The following RHBDF2 variants were observed in gnomAD, a reference collection of about 807,000 sequenced individuals.
RHBDF2 encodes the protein inactive rhomboid protein 2.
A neutral mutation model predicts 95.2 loss-of-function variants in RHBDF2; 38 were observed. That is an observed-to-expected ratio of 0.40 (90% CI 0.31 to 0.52). The LOEUF (loss-of-function observed/expected upper bound fraction) is 0.52. RHBDF2 is among the 20% of genes least tolerant of loss of function. RHBDF2 has a pLI of 0.56. For synonymous variants in RHBDF2, 442 were observed against 462.0 expected (o/e 0.96, Z 0.55); for missense variants, 863 against 1,137.7 (o/e 0.76, Z 3.47).
At chr17:76,476,733 G>A in intron 9 of RHBDF2, 97 bp downstream of exon 9, 1 of 1,450,756 alleles carries the variant, frequency 6.9e-7, no homozygotes, top group East Asian at 2.5e-5. Context: ...AGATGCTCAT[G>A]AAACACTTGC....
At chr17:76,490,117 G>C (rs151058922) in intron 1 of RHBDF2, among the ~76,000 whole-genome samples, 1 of 152,362 alleles carries the variant, frequency 6.6e-6, no homozygotes, top group East Asian at 1.9e-4. Context: ...ATTCCACTGA[G>C]CAATGTTCCT....
chr17:76,478,925 G>A lies in RHBDF2; in HGVS notation c.553C>T (p.Pro185Ser), dbSNP rs943708565. Residue 185 changes from proline to serine, a missense_variant, in exon 6 of 19, where the codon CCC becomes TCC. Coordinates refer to ENST00000675367, the MANE Select transcript of RHBDF2 (RefSeq NM_001005498.4). ...RPHAPHPPLTPGVLSLTSFTS... is the reference protein window; with the variant it reads ...RPHAPHPPLTSGVLSLTSFTS... ...AAGGAGGTGAGGGACAGGACTCCGG[G>A]GGTCAGCGGTGGGTGCGGGGCGTGG... is the stretch of plus-strand genomic sequence containing the variant. 3.7e-6 allele frequency: 6 copies of A among 1,606,932 alleles called. No homozygotes were observed. Among genetic ancestry groups the A allele is most frequent in the African/African-American group, 1.3e-5 (1 of 74,868 alleles).
chr17:76,471,355 A>C lies in RHBDF2; in HGVS notation c.*278T>G. ...AGATGGTCTCAGCAAGGAGCGGGAT[A>C]TTAGGAACTGAGACCCAAGACTCAG... On this transcript the variant is annotated 3_prime_UTR_variant, in exon 19 of 19. Coordinates refer to ENST00000675367, the MANE Select transcript of RHBDF2 (RefSeq NM_001005498.4). 2.2e-6 allele frequency: 1 copy of C among 452,114 alleles called. No homozygotes were observed. Among genetic ancestry groups the C allele is most frequent in the Non-Finnish European group, 3.9e-6 (1 of 253,708 alleles). 28.0% of individuals were successfully genotyped at this position (452,114 alleles called of 1,614,324 possible).
At chr17:76,481,637 C>T in intron 2 of RHBDF2, 92 bp from the exon 3 acceptor site, 2 of 1,218,972 alleles carry the variant, frequency 1.6e-6, no homozygotes, top group Non-Finnish European at 2.2e-6. Flanking sequence ...AGACCAAGAA[C>T]CAACTTGCCT....
Position 76,479,240 on chromosome 17 carries a change from C to T in RHBDF2, c.310G>A (p.Glu104Lys). Residue 104 changes from glutamate to lysine, a missense_variant, in exon 5 of 19, where the codon GAG (glutamate) becomes AAG (lysine). By Grantham distance (56) the Glu-to-Lys change is moderately conservative. Transcript: ENST00000675367. The part of the protein sequence containing the change: ...AQWFGVSGDW[E>K]GQRQQWQRRS... Reference sequence around the variant, plus strand: ...CGCTGCCACTGCTGCCGCTGCCCCTCCCAGTCGCCGCTGACTCCAAACCAC... The same window carrying T: ...CGCTGCCACTGCTGCCGCTGCCCCTTCCAGTCGCCGCTGACTCCAAACCAC... 6.2e-7 allele frequency: 1 copy of T among 1,607,618 alleles called. No homozygotes were observed. Among genetic ancestry groups the T allele is most frequent in the Non-Finnish European group, 8.5e-7 (1 of 1,179,356 alleles).
chr17:76,485,816 C>T (rs897881308), intron 2 of RHBDF2, among the ~76,000 whole-genome samples: 3 of 152,096 alleles, frequency 2.0e-5, no homozygotes, highest in Admixed American at 6.6e-5. Context: ...AAAGCTACAA[C>T]GTGGACGAGC....
At chr17:76,483,973 C>T (rs1261038098) in intron 2 of RHBDF2, among the ~76,000 whole-genome samples, 5 of 152,074 alleles carry the variant, frequency 3.3e-5, no homozygotes, top group Admixed American at 1.3e-4. Flanking sequence ...TTAAAACCCC[C>T]AGCTGTGGCC....
intron 16 of RHBDF2, 66 bp from the exon 17 acceptor site, chr17:76,473,171 G>A (rs2073643989): frequency 1.9e-6 from 3 of 1,582,078 alleles, no homozygotes; most frequent in African/African-American, 1.3e-5. Flanking sequence ...CGACATGGGA[G>A]GGAGTGCGTG....
chr17:76,478,363 TAACTC>T (rs2073838646), intron 6 of RHBDF2, among the ~76,000 whole-genome samples: 1 of 152,220 alleles, frequency 6.6e-6, no homozygotes, highest in African/African-American at 2.4e-5. Flanking sequence ...CTTCTGGGCT[TAACTC>T]AATGTCTTCC....
intron 9 of RHBDF2, chr17:76,476,489 G>A (rs2073776443): frequency 1.2e-5 from 3 of 255,156 alleles, no homozygotes; most frequent in East Asian, 9.1e-5. Context: ...TCCTCTGACC[G>A]ACCCTGCCCT....
In RHBDF2 at chr17:76,474,359, G is replaced by A. The variant is rs748556461; in HGVS notation, c.1464+14C>T. The A allele has an allele frequency of 6.2e-7, 1 of 1,608,378 alleles. No homozygotes were observed. Among genetic ancestry groups the A allele is most frequent in the Admixed American group, 1.7e-5 (1 of 59,966 alleles). The stretch of plus-strand genomic sequence containing the variant: ...CAGGGTCTGGCAGGGGTAGGAGGGA[G>A]GGCCTGCCCCCACCGAGCAGTCCTT... On this transcript the variant is annotated intron_variant, in intron 12 of 18. Transcript: ENST00000675367.
At chr17:76,493,584 G>A (rs768251006) in intron 1 of RHBDF2, among the ~76,000 whole-genome samples, 1 of 152,088 alleles carries the variant, frequency 6.6e-6, no homozygotes, top group Non-Finnish European at 1.5e-5. Context: ...GAGCTCCACC[G>A]GCAGAGTTAG....
chr17:76,477,940 G>A (rs894747510), intron 6 of RHBDF2, among the ~76,000 whole-genome samples, 155 bp from the exon 7 acceptor site: 2 of 152,218 alleles, frequency 1.3e-5, no homozygotes, highest in African/African-American at 2.4e-5. Flanking sequence ...CAAGCTGAAC[G>A]GGCAAGAGGA....
intron 3 of RHBDF2, 148 bp from the exon 4 acceptor site, chr17:76,480,002 ATATAATGTGTGTGTG>A (rs1401445538): frequency 1.3e-5 from 10 of 793,410 alleles, no homozygotes; most frequent in Non-Finnish European, 1.9e-5. Context: ...AAATATATAT[ATATAATGTGTGTGTG>A]TGTGTGTGTG....
At chr17:76,473,527 G>A in intron 15 of RHBDF2, 121 bp downstream of exon 15, 2 of 990,874 alleles carry the variant, frequency 2.0e-6, no homozygotes, top group Non-Finnish European at 3.0e-6. Context: ...GCAAAGGACA[G>A]TTATTGGAGG....
intron 3 of RHBDF2, 52 bp downstream of exon 3, chr17:76,481,323 G>A: frequency 6.4e-7 from 1 of 1,563,520 alleles, no homozygotes; most frequent in Non-Finnish European, 8.7e-7. Flanking sequence ...TGTCACGTGG[G>A]TACATCTGTT....
chr17:76,478,714 G>C, intron 6 of RHBDF2, 92 bp downstream of exon 6: 1 of 1,117,092 alleles, frequency 9.0e-7, no homozygotes, highest in Non-Finnish European at 1.3e-6. Context: ...GCCCAGGTGA[G>C]CTTTAGGGGA....
chr17:76,497,475 C>T (rs1258109805), intron 1 of RHBDF2, among the ~76,000 whole-genome samples: 2 of 152,220 alleles, frequency 1.3e-5, no homozygotes, highest in Non-Finnish European at 2.9e-5. Flanking sequence ...ACAATAACAA[C>T]AGTGCCACTG....
chr17:76,477,505 G>A (rs2073812102), intron 7 of RHBDF2, 152 bp downstream of exon 7: 1 of 1,090,218 alleles, frequency 9.2e-7, no homozygotes, highest in Middle Eastern at 2.1e-4. Context: ...AGAAAGATGG[G>A]GGCCCAGCAG....
Sources: allele counts gnomAD v4.1 joint callset (sites outside exome capture counted in the v4.1 genomes callset), GRCh38; gene constraint gnomAD v4.1.1; transcripts MANE v1.5; gene names NCBI Gene and HGNC (gene_info 2026-07-23, HGNC 2026-07-21).